TNS3: variants seen among roughly 807,000 people sequenced by gnomAD.
TNS3 encodes the protein tensin 3.
In TNS3, 45 loss-of-function variants were observed where a neutral mutation model predicts 140.9. That is an observed-to-expected ratio of 0.32 (90% CI 0.25 to 0.41). The LOEUF is 0.41. Ranked by LOEUF, TNS3 falls within the 10% of genes least tolerant of loss-of-function variation. The pLI is 1.00. For synonymous variants in TNS3, 815 were observed against 788.4 expected (o/e 1.03, Z -0.56); for missense variants, 1,716 against 1,906.7 (o/e 0.90, Z 1.86).
Position 47,291,956 on chromosome 7 carries a change from T to C in TNS3, c.3927A>G (p.Ala1309=). The change falls in exon 27 of 31, where the codon GCA becomes GCG. Residue 1309 remains alanine, a splice_region_variant and synonymous_variant. Transcript: ENST00000311160. Reference sequence around the variant, plus strand: ...AGAAATGGAGCTGCATTTACTGACCTGCCCCCTGCTTCAACAGCTCAGCTG... The same window carrying C: ...AGAAATGGAGCTGCATTTACTGACCCGCCCCCTGCTTCAACAGCTCAGCTG... ...NSAAELLKQG[A]ACNVWYLNSV... 2 of 1,614,148 alleles carry C rather than the reference T, an allele frequency of 1.2e-6. No individual in the cohort carries two copies. Among genetic ancestry groups the C allele is most frequent in the Non-Finnish European group, 1.7e-6 (2 of 1,179,994 alleles).
intron 9 of TNS3, among the ~76,000 whole-genome samples, chr7:47,424,687 G>A (rs1211419886): frequency 1.3e-5 from 2 of 152,188 alleles, no homozygotes; most frequent in African/African-American, 2.4e-5. Context: ...GTCCCAAGAG[G>A]CACCCTCGGG....
intron 1 of TNS3, among the ~76,000 whole-genome samples, chr7:47,544,889 A>G (rs889047763): frequency 4.0e-5 from 6 of 151,110 alleles, no homozygotes. Context: ...TTACTTTTCC[A>G]CTCCTTGCCA....
chr7:47,542,905 C>A (rs956117407), intron 1 of TNS3, among the ~76,000 whole-genome samples: 1 of 130,636 alleles, frequency 7.7e-6, no homozygotes, highest in Non-Finnish European at 1.6e-5. Flanking sequence ...ACTCCAACCA[C>A]GGGGAACAGT....
intron 1 of TNS3, among the ~76,000 whole-genome samples, chr7:47,556,345 T>C (rs1258933149): frequency 6.6e-6 from 1 of 151,976 alleles, no homozygotes; most frequent in Non-Finnish European, 1.5e-5. Context: ...TTATTTAGAG[T>C]CCTCATCCTG....
intron 4 of TNS3, among the ~76,000 whole-genome samples, chr7:47,467,414 T>C (rs1796765627): frequency 6.6e-6 from 1 of 152,260 alleles, no homozygotes; most frequent in Non-Finnish European, 1.5e-5. Flanking sequence ...ACTTTTTTCT[T>C]TTTAATTTTT....
At chr7:47,292,613 G>A (rs1785773307) in intron 26 of TNS3, among the ~76,000 whole-genome samples, 1 of 152,230 alleles carries the variant, frequency 6.6e-6, no homozygotes, top group African/African-American at 2.4e-5. Flanking sequence ...AATCCATGAT[G>A]TAAAGCTATC....
chr7:47,361,206 C>CAAAAAAAAAAAAAA lies in TNS3; in HGVS notation c.2281+7145_2281+7158dup, dbSNP rs56823708. ...TCTTCTGGTAAGACAGTAACCATGCCAAAAAAAAAAAAAAAAAACAAGCAA... is the reference window on the plus strand; with the variant it reads ...TCTTCTGGTAAGACAGTAACCATGCCAAAAAAAAAAAAAAAAAAAAAAAAAAAAAAAACAAGCAA... On this transcript the variant is annotated intron_variant, in intron 17 of 30. Coordinates refer to ENST00000311160, the MANE Select transcript of TNS3 (RefSeq NM_022748.12). Among the ~76,000 whole-genome samples, 393 of 47,066 alleles carry CAAAAAAAAAAAAAA rather than the reference C, an allele frequency of 8.3e-3. 32 individuals carry two copies. Among genetic ancestry groups the CAAAAAAAAAAAAAA allele is most frequent in the Middle Eastern group, 0.026 (1 of 38 alleles). 30.9% of individuals were successfully genotyped at this position (47,066 alleles called of 152,430 possible). A position where few individuals can be genotyped will look rare whatever the true frequency, so the allele number is the denominator to read the frequency against.
chr7:47,371,241 C>G (rs1791056135), intron 16 of TNS3, among the ~76,000 whole-genome samples: 1 of 152,218 alleles, frequency 6.6e-6, no homozygotes, highest in Non-Finnish European at 1.5e-5. Flanking sequence ...GGGATTAATT[C>G]AAGGTAACAG....
rs575739478 is a variant in TNS3 at position 47,526,880 on chromosome 7, C to T, written c.-153+2156G>A. On this transcript the variant is annotated intron_variant, in intron 2 of 30. Coordinates refer to ENST00000311160, the MANE Select transcript of TNS3 (RefSeq NM_022748.12). ...TTTCATGGTTCCAATTCAACCACGACTTTCCTTTTCCTTCTTTTCACACTT... is the reference window on the plus strand; with the variant it reads ...TTTCATGGTTCCAATTCAACCACGATTTTCCTTTTCCTTCTTTTCACACTT... Among the ~76,000 whole-genome samples the T allele has an allele frequency of 1.8e-4, 27 of 152,324 alleles. No individual in the cohort carries two copies. The South Asian group carries it at 5.6e-3, about 32-fold the overall frequency.
intron 23 of TNS3, 77 bp from the exon 24 acceptor site, chr7:47,297,290 G>T: frequency 2.0e-6 from 3 of 1,495,986 alleles, no homozygotes; most frequent in Non-Finnish European, 2.7e-6. Flanking sequence ...CCTTGGGTAG[G>T]TCCTCTCCCC....
chr7:47,529,214 T>A, intron 1 of TNS3, 67 bp from the exon 2 acceptor site: 1 of 861,454 alleles, frequency 1.2e-6, no homozygotes, highest in Non-Finnish European at 1.6e-6. Flanking sequence ...CCTTTTCATT[T>A]AAGGGAAATA....
chr7:47,557,250 C>T, intron 1 of TNS3: 1 of 413,482 alleles, frequency 2.4e-6, no homozygotes, highest in South Asian at 1.7e-5. Flanking sequence ...TTTCGTCTTT[C>T]CTCAGGGTGC....
intron 17 of TNS3, among the ~76,000 whole-genome samples, chr7:47,355,926 G>A (rs567649148): frequency 1.1e-3 from 172 of 152,260 alleles, no homozygotes; most frequent in Non-Finnish European, 4.3e-4. Flanking sequence ...CCACCATGCT[G>A]CCCACTCACA....
intron 6 of TNS3, among the ~76,000 whole-genome samples, chr7:47,438,835 C>T (rs1346394533): frequency 6.6e-6 from 1 of 152,150 alleles, no homozygotes; most frequent in Non-Finnish European, 1.5e-5. Context: ...CTAGAGATAA[C>T]AAGGCAGGTA....
At chr7:47,521,547 G>A (rs75168755) in intron 2 of TNS3, among the ~76,000 whole-genome samples, 3,288 of 152,238 alleles carry the variant, frequency 0.022, 102 homozygotes, top group African/African-American at 0.073. Context: ...GTGAACATCC[G>A]GATGGCTGGC....
At chr7:47,311,689 T>G (rs1440120086) in intron 20 of TNS3, among the ~76,000 whole-genome samples, 4 of 152,264 alleles carry the variant, frequency 2.6e-5, no homozygotes, top group African/African-American at 9.6e-5. Context: ...TTAAAAATTC[T>G]AACATACCTA....
At chr7:47,304,757 C>T in intron 21 of TNS3, 75 bp downstream of exon 21, 1 of 1,296,094 alleles carries the variant, frequency 7.7e-7, no homozygotes, top group Non-Finnish European at 9.9e-7. Flanking sequence ...CAAGCCCCCG[C>T]TGGTCCCACA....
intron 17 of TNS3, 151 bp downstream of exon 17, chr7:47,368,214 G>T: frequency 1.2e-6 from 1 of 846,304 alleles, no homozygotes; most frequent in Non-Finnish European, 1.7e-6. Flanking sequence ...TTGGATCCTA[G>T]GCCAAAATTC....
intron 20 of TNS3, among the ~76,000 whole-genome samples, chr7:47,312,021 T>C (rs2150774174): frequency 6.6e-6 from 1 of 152,326 alleles, no homozygotes; most frequent in East Asian, 1.9e-4. Context: ...AGTACTAATG[T>C]TCTGTTTGTA....
Sources: allele counts gnomAD v4.1 joint callset (sites outside exome capture counted in the v4.1 genomes callset), GRCh38; gene constraint gnomAD v4.1.1; transcripts MANE v1.5; gene names NCBI Gene and HGNC (gene_info 2026-07-23, HGNC 2026-07-21).